The following RABGAP1L variants were observed in gnomAD, a reference collection of about 807,000 sequenced individuals.
RABGAP1L encodes the protein RAB GTPase activating protein 1 like, also known as rab GTPase-activating protein 1-like.
RABGAP1L carries 63 observed loss-of-function variants against 137.7 expected under a neutral mutation model. That is an observed-to-expected ratio of 0.46 (90% CI 0.37 to 0.56). The LOEUF (loss-of-function observed/expected upper bound fraction) is 0.56, where lower values mean the gene tolerates loss of function less well. Ranked by LOEUF, RABGAP1L falls within the 20% of genes least tolerant of loss-of-function variation. The pLI is 0.00. For synonymous variants in RABGAP1L, 431 were observed against 433.7 expected, an observed-to-expected ratio of 0.99 and a Z score of 0.08; for missense variants, 1,095 against 1,244.0, an observed-to-expected ratio of 0.88 and a Z score of 1.80.
chr1:174,692,501 G>A (rs903130232), intron 15 of RABGAP1L, among the ~76,000 whole-genome samples: 1 of 152,168 alleles, frequency 6.6e-6, no homozygotes, highest in African/African-American at 2.4e-5. Context: ...CCTTGAAACT[G>A]CAGTTTGTCT....
intron 13 of RABGAP1L, among the ~76,000 whole-genome samples, chr1:174,431,936 ATTTTTC>A (rs912456320): frequency 2.0e-5 from 3 of 152,024 alleles, no homozygotes; most frequent in African/African-American, 7.2e-5. Flanking sequence ...ACTTGGGATC[ATTTTTC>A]TTTTTCTTTT....
At chr1:174,191,914 A>G (rs1439984296) in intron 1 of RABGAP1L, among the ~76,000 whole-genome samples, 2 of 152,212 alleles carry the variant, frequency 1.3e-5, no homozygotes, top group African/African-American at 4.8e-5. Flanking sequence ...AATCAGTGGA[A>G]AGATGGGCCA....
chr1:174,563,800 G>A (rs1190966694), intron 13 of RABGAP1L, among the ~76,000 whole-genome samples: 1 of 152,050 alleles, frequency 6.6e-6, no homozygotes, highest in Non-Finnish European at 1.5e-5. Context: ...CCGCAAAATT[G>A]TACAGAAATG....
At chr1:174,409,741 T>C (rs980700179) in intron 13 of RABGAP1L, among the ~76,000 whole-genome samples, 1 of 152,160 alleles carries the variant, frequency 6.6e-6, no homozygotes, top group Non-Finnish European at 1.5e-5. Flanking sequence ...ATCTGTCTTA[T>C]GCAGTTGAGA....
At chr1:174,410,296 G>C (rs1359983692) in intron 13 of RABGAP1L, among the ~76,000 whole-genome samples, 1 of 152,166 alleles carries the variant, frequency 6.6e-6, no homozygotes, top group Non-Finnish European at 1.5e-5. Flanking sequence ...CAAGGCTGAT[G>C]TCCAGAATGG....
intron 17 of RABGAP1L, among the ~76,000 whole-genome samples, chr1:174,746,428 T>C (rs757890593): frequency 3.9e-5 from 6 of 152,212 alleles, no homozygotes; most frequent in South Asian, 4.1e-4. Context: ...CCACAGCAAG[T>C]TGGGTTTTTG....
At chr1:174,664,917 A>G (rs1676670394) in intron 14 of RABGAP1L, among the ~76,000 whole-genome samples, 2 of 151,486 alleles carry the variant, frequency 1.3e-5, no homozygotes, top group Admixed American at 1.3e-4. Flanking sequence ...TTGTATTTTT[A>G]GTAGAGACAG....
At chr1:174,461,605 A>T (rs1045632211) in intron 13 of RABGAP1L, among the ~76,000 whole-genome samples, 3 of 152,092 alleles carry the variant, frequency 2.0e-5, no homozygotes, top group Admixed American at 6.6e-5. Flanking sequence ...ATTGAATTTA[A>T]TTGTCAGAGT....
At chr1:174,886,108 G>C (rs761630005) in intron 19 of RABGAP1L, among the ~76,000 whole-genome samples, 5 of 149,606 alleles carry the variant, frequency 3.3e-5, no homozygotes, top group Non-Finnish European at 7.4e-5. Context: ...GTGCCTCCCA[G>C]GTTCAAGCAG....
chr1:174,990,178 C>A lies in RABGAP1L; in HGVS notation c.*177C>A. On this transcript the variant is annotated 3_prime_UTR_variant, in exon 26 of 26. Transcript: ENST00000681986. Reference sequence around the variant, plus strand: ...TCAAAGGGATGCTATTTAAACTGACCTGTTCTATGTTGAATACCTATTTTC... The same window carrying A: ...TCAAAGGGATGCTATTTAAACTGACATGTTCTATGTTGAATACCTATTTTC... 1.3e-6 allele frequency: 1 copy of A among 786,644 alleles called. No homozygotes were observed. Among genetic ancestry groups the A allele is most frequent in the Non-Finnish European group, 2.0e-6 (1 of 512,164 alleles). The allele number at this position is 786,644 out of a possible 1,614,324, so 48.7% of individuals were successfully genotyped here. A position where few individuals can be genotyped will look rare whatever the true frequency, so the allele number is the denominator to read the frequency against.
At chr1:174,811,710 T>C (rs1689886944) in intron 18 of RABGAP1L, 122 bp from the exon 19 acceptor site, 1 of 974,620 alleles carries the variant, frequency 1.0e-6, no homozygotes, top group African/African-American at 1.7e-5. Flanking sequence ...CTTAAAATGT[T>C]TGGAACTAAC....
intron 13 of RABGAP1L, among the ~76,000 whole-genome samples, chr1:174,582,359 T>C (rs1373137758): frequency 6.6e-6 from 1 of 151,760 alleles, no homozygotes; most frequent in Non-Finnish European, 1.5e-5. Flanking sequence ...CATCTTGAAG[T>C]TGAGGCTTTG....
intron 13 of RABGAP1L, among the ~76,000 whole-genome samples, chr1:174,578,620 TG>T (rs1376560786): frequency 8.5e-5 from 13 of 152,202 alleles, no homozygotes; most frequent in Non-Finnish European, 1.6e-4. Context: ...AACACATTTG[TG>T]AAGAGGTTAA....
At chr1:174,506,147 G>A (rs1661794927) in intron 13 of RABGAP1L, among the ~76,000 whole-genome samples, 1 of 152,168 alleles carries the variant, frequency 6.6e-6, no homozygotes, top group South Asian at 2.1e-4. Context: ...TGGAGGATTG[G>A]GAAGATGTTG....
At chr1:174,573,193 G>A (rs1282617212) in intron 13 of RABGAP1L, among the ~76,000 whole-genome samples, 1 of 148,422 alleles carries the variant, frequency 6.7e-6, no homozygotes, top group Non-Finnish European at 1.5e-5. Flanking sequence ...CACTATATGT[G>A]TGTGTATATA....
intron 11 of RABGAP1L, among the ~76,000 whole-genome samples, chr1:174,369,297 C>T (rs1013297557): frequency 6.6e-6 from 1 of 152,130 alleles, no homozygotes; most frequent in African/African-American, 2.4e-5. Flanking sequence ...TCAAGTGATC[C>T]TCCCATCTCA....
At chr1:174,624,780 T>C (rs1672816508) in intron 13 of RABGAP1L, among the ~76,000 whole-genome samples, 1 of 145,760 alleles carries the variant, frequency 6.9e-6, no homozygotes, top group Non-Finnish European at 1.5e-5. Context: ...GTAACACTCT[T>C]TCTCTAAATA....
At chr1:174,276,076 T>G in intron 9 of RABGAP1L, 141 bp downstream of exon 9, 1 of 587,184 alleles carries the variant, frequency 1.7e-6, no homozygotes, top group Non-Finnish European at 3.0e-6. Context: ...TTTTTATTCT[T>G]TATGCTTCTA....
intron 17 of RABGAP1L, among the ~76,000 whole-genome samples, chr1:174,726,018 CAAAA>C (rs201029623): frequency 6.6e-6 from 1 of 151,388 alleles, no homozygotes; most frequent in East Asian, 1.9e-4. Flanking sequence ...AACAAACAAA[CAAAA>C]GAATTGCAGT....
Sources: allele counts gnomAD v4.1 joint callset (sites outside exome capture counted in the v4.1 genomes callset), GRCh38; gene constraint gnomAD v4.1.1; transcripts MANE v1.5; gene names NCBI Gene and HGNC (gene_info 2026-07-23, HGNC 2026-07-21).